The following KLHL18 variants were observed in gnomAD, a reference collection of about 807,000 sequenced individuals.
KLHL18 encodes the protein kelch-like protein 18.
In KLHL18, 38 loss-of-function variants were observed where a neutral mutation model predicts 58.5. The observed-to-expected ratio is 0.65, with a 90% CI of 0.50 to 0.85. The LOEUF is 0.85. Among genes scored for constraint, KLHL18 ranks in the 40% least tolerant of loss-of-function variants. The probability of loss-of-function intolerance (pLI) is 0.00; values close to 1 mark genes in which losing one functional copy is unlikely to be tolerated. For missense variants in KLHL18, 624 were observed against 778.4 expected, an observed-to-expected ratio of 0.80 and a Z score of 2.36; for synonymous variants, 303 against 301.9, an observed-to-expected ratio of 1.00 and a Z score of -0.04.
chr3:47,295,418 G>C (rs1306981917), intron 1 of KLHL18, among the ~76,000 whole-genome samples: 5 of 152,056 alleles, frequency 3.3e-5, no homozygotes, highest in African/African-American at 1.2e-4. Flanking sequence ...CCCCTCCTCT[G>C]GGCCTTTGCT....
At chr3:47,283,193 G>A (rs1428911309) in intron 1 of KLHL18, 99 bp downstream of exon 1, 1 of 1,170,972 alleles carries the variant, frequency 8.5e-7, no homozygotes, top group Non-Finnish European at 1.2e-6. Flanking sequence ...CAGGGAGAGG[G>A]GTGGGGAGAA....
chr3:47,294,509 A>G (rs1310057917), intron 1 of KLHL18, among the ~76,000 whole-genome samples: 1 of 152,140 alleles, frequency 6.6e-6, no homozygotes, highest in Admixed American at 6.6e-5. Context: ...AGGATATCTG[A>G]AGGCAGAGGG....
chr3:47,311,389 A>C (rs1703295656), intron 1 of KLHL18, among the ~76,000 whole-genome samples: 1 of 152,118 alleles, frequency 6.6e-6, no homozygotes, highest in Non-Finnish European at 1.5e-5. Context: ...TAGTATGTTC[A>C]TGATTTTAAA....
chr3:47,342,767 TAC>T lies in KLHL18; in HGVS notation c.1277_1278del (p.Thr426SerfsTer3). ...GCTCGAATCGCAGTGCTGCTGGGGT[TAC>T]AGTCTTTGAGGGCAGGATATATGTG... ...MSSNRSAAGV[T>X]VFEGRIYVSG... On this transcript the variant is annotated frameshift_variant, in exon 9 of 10. Coordinates refer to ENST00000232766, the MANE Select transcript of KLHL18 (RefSeq NM_025010.5). LOFTEE classifies it high-confidence loss of function. 1.2e-6 allele frequency: 2 copies of T among 1,614,198 alleles called. No individual in the cohort carries two copies. The highest frequency in any genetic ancestry group is 1.7e-6 in the Non-Finnish European group (2 of 1,180,020).
rs1459569342 is a variant in KLHL18 at position 47,340,639 on chromosome 3, C to G, written c.1189C>G (p.Leu397Val). ...VCGGYDGNSSLSSVETYSPET... is the reference protein window; with the variant it reads ...VCGGYDGNSSVSSVETYSPET... ...TGGGGGCTACGATGGCAACTCTTCC[C>G]TCAGCTCCGTGGAGACCTACTCACC... The change falls in exon 8 of 10, where the codon CTC becomes GTC. Residue 397 changes from leucine to valine, a missense_variant. By Grantham distance (32) the Leu-to-Val change is conservative. Coordinates refer to ENST00000232766, the MANE Select transcript of KLHL18 (RefSeq NM_025010.5). The G allele has an allele frequency of 6.2e-7, 1 of 1,613,922 alleles. No homozygotes were observed. The highest frequency in any genetic ancestry group is 1.3e-5 in the African/African-American group (1 of 74,896).
intron 3 of KLHL18, among the ~76,000 whole-genome samples, chr3:47,325,311 C>T (rs888739232): frequency 2.0e-5 from 3 of 152,138 alleles, no homozygotes; most frequent in Non-Finnish European, 4.4e-5. Flanking sequence ...CATTCTCTCG[C>T]CTCAGCCTCC....
At chr3:47,324,595 G>A (rs1703671716) in intron 3 of KLHL18, among the ~76,000 whole-genome samples, 1 of 152,008 alleles carries the variant, frequency 6.6e-6, no homozygotes, top group East Asian at 1.9e-4. Context: ...CATTTTGGGA[G>A]GCCAAGGCAG....
intron 1 of KLHL18, among the ~76,000 whole-genome samples, chr3:47,318,236 C>G (rs1407783131): frequency 6.6e-6 from 1 of 152,200 alleles, no homozygotes; most frequent in Non-Finnish European, 1.5e-5. Flanking sequence ...TCAGAAGCAG[C>G]TTAGACATTT....
rs1008970466 is a variant in KLHL18, at chr3:47,344,501, A to C, written c.*560A>C. On this transcript the variant is annotated 3_prime_UTR_variant, in exon 10 of 10. Coordinates refer to ENST00000232766, the MANE Select transcript of KLHL18 (RefSeq NM_025010.5). The stretch of plus-strand genomic sequence containing the variant: ...GTGGGGCACCAAGGATTCTGTCCTC[A>C]TTGCTGGGTAAGCAGGGAGAAGAGA... 2 of 154,216 alleles carry C rather than the reference A, an allele frequency of 1.3e-5. No homozygotes were observed. Among genetic ancestry groups the C allele is most frequent in the African/African-American group, 4.8e-5 (2 of 41,456 alleles). 9.6% of individuals were successfully genotyped at this position (154,216 alleles called of 1,614,324 possible).
intron 1 of KLHL18, 101 bp from the exon 2 acceptor site, chr3:47,319,552 A>G (rs1576164993): frequency 1.5e-6 from 2 of 1,304,926 alleles, no homozygotes; most frequent in Non-Finnish European, 2.1e-6. Context: ...GCAGTGGGGT[A>G]TGCTGTGGAG....
At chr3:47,337,666 T>C (rs1389680801) in intron 7 of KLHL18, 1 of 152,278 alleles carries the variant, frequency 6.6e-6, no homozygotes, top group Non-Finnish European at 1.5e-5. Flanking sequence ...GGATGTGAGC[T>C]GGGAGGGATC....
Position 47,343,895 on chromosome 3 carries a change from A to G in KLHL18, c.1679A>G (p.His560Arg). Reference sequence around the variant, plus strand: ...ACATTCATGGCCCCCATGGCGTGCCATGAGGGAGGGGTCGGTGTGGGCTGC... The same window carrying G: ...ACATTCATGGCCCCCATGGCGTGCCGTGAGGGAGGGGTCGGTGTGGGCTGC... ...CWTFMAPMAC[H>R]EGGVGVGCIP... is the part of the protein sequence containing the mutation. The change falls in exon 10 of 10, where the codon CAT becomes CGT. Residue 560 changes from histidine to arginine, a missense_variant. Transcript: ENST00000232766. The G allele has an allele frequency of 6.2e-7, 1 of 1,614,120 alleles. No homozygotes were observed. The highest frequency in any genetic ancestry group is 8.5e-7 in the Non-Finnish European group (1 of 1,180,002).
intron 1 of KLHL18, among the ~76,000 whole-genome samples, chr3:47,292,932 A>G (rs1366592174): frequency 2.6e-5 from 4 of 151,740 alleles, no homozygotes; most frequent in Admixed American, 1.3e-4. Flanking sequence ...AAGTATATAC[A>G]TACAGTGAAA....
At chr3:47,319,882 AATAG>A in intron 2 of KLHL18, 99 bp downstream of exon 2, 3 of 1,261,432 alleles carry the variant, frequency 2.4e-6, no homozygotes, top group Non-Finnish European at 3.4e-6. Flanking sequence ...CACAGTGTCT[AATAG>A]CCTAGCTCTA....
intron 4 of KLHL18, among the ~76,000 whole-genome samples, chr3:47,332,343 A>G (rs1474926296): frequency 6.6e-6 from 1 of 152,152 alleles, no homozygotes; most frequent in Non-Finnish European, 1.5e-5. Context: ...CGATGGGGCA[A>G]GACCCTATCT....
chr3:47,325,887 G>A (rs1489957587), intron 3 of KLHL18, among the ~76,000 whole-genome samples: 1 of 151,634 alleles, frequency 6.6e-6, no homozygotes, highest in Non-Finnish European at 1.5e-5. Flanking sequence ...TCCTGCCTCA[G>A]CCTCCGGAGT....
chr3:47,344,091 C>G lies in KLHL18; in HGVS notation c.*150C>G. 1 of 963,592 alleles carries G rather than the reference C, an allele frequency of 1.0e-6. No individual in the cohort carries two copies. Among genetic ancestry groups the G allele is most frequent in the Non-Finnish European group, 1.5e-6 (1 of 665,488 alleles). The allele number at this position is 963,592 out of a possible 1,614,324, so 59.7% of individuals were successfully genotyped here. On this transcript the variant is annotated 3_prime_UTR_variant, in exon 10 of 10. Transcript: ENST00000232766. ...CAGTTTTTCCAGGTGCTTAAGCCCTCCCCCACTGTGCCACCCTTGTGACCT... is the reference window on the plus strand; with the variant it reads ...CAGTTTTTCCAGGTGCTTAAGCCCTGCCCCACTGTGCCACCCTTGTGACCT...
chr3:47,314,974 G>T (rs974196840), intron 1 of KLHL18, among the ~76,000 whole-genome samples: 1 of 152,062 alleles, frequency 6.6e-6, no homozygotes, highest in African/African-American at 2.4e-5. Flanking sequence ...CATACAGCTT[G>T]TTCTTTTGTC....
At chr3:47,342,668 C>T in intron 8 of KLHL18, 51 bp from the exon 9 acceptor site, 3 of 1,507,474 alleles carry the variant, frequency 2.0e-6, no homozygotes, top group Non-Finnish European at 2.8e-6. Context: ...CTTGAGGGAA[C>T]AAGAACCCTG....
Sources: gnomAD v4.1 joint callset for allele counts (sites outside exome capture counted in the v4.1 genomes callset) on GRCh38, gnomAD v4.1.1 for gene constraint, MANE v1.5 for transcripts, NCBI Gene and HGNC (gene_info 2026-07-23, HGNC 2026-07-21) for gene names.